ITGBL1: variants seen among roughly 807,000 people sequenced by gnomAD.
ITGBL1 encodes the protein integrin beta-like protein 1.
A neutral mutation model predicts 68.5 loss-of-function variants in ITGBL1; 51 were observed. The observed-to-expected ratio is 0.74, with a 90% CI of 0.59 to 0.94. ITGBL1 has a LOEUF of 0.94. Among genes scored for constraint, ITGBL1 ranks in the 40% least tolerant of loss-of-function variants. The probability of loss-of-function intolerance (pLI) is 0.00; values close to 1 mark genes in which losing one functional copy is unlikely to be tolerated. For missense variants in ITGBL1, 649 were observed against 647.4 expected (o/e 1.00, Z -0.03); for synonymous variants, 209 against 227.3 (o/e 0.92, Z 0.72).
chr13:101,589,037 T>G (rs2050607275), intron 6 of ITGBL1, among the ~76,000 whole-genome samples: 1 of 152,228 alleles, frequency 6.6e-6, no homozygotes, highest in Non-Finnish European at 1.5e-5. Context: ...ATGTACAGTT[T>G]CACTTAAAGT....
intron 7 of ITGBL1, among the ~76,000 whole-genome samples, chr13:101,687,112 C>T (rs1333837751): frequency 6.6e-6 from 1 of 151,950 alleles, no homozygotes; most frequent in East Asian, 1.9e-4. Context: ...GTGATATAAT[C>T]ATTCCTCCAC....
intron 2 of ITGBL1, among the ~76,000 whole-genome samples, chr13:101,554,458 T>C (rs2049973140): frequency 6.6e-6 from 1 of 152,220 alleles, no homozygotes; most frequent in African/African-American, 2.4e-5. Context: ...GTATTTGCCA[T>C]GTGGTCAATG....
intron 2 of ITGBL1, among the ~76,000 whole-genome samples, chr13:101,542,264 C>T (rs575189213): frequency 1.1e-4 from 17 of 152,148 alleles, no homozygotes; most frequent in Non-Finnish European, 2.2e-4. Context: ...TGTCTTTGTT[C>T]TCATTGGTTT....
chr13:101,625,550 A>C (rs1271154098), intron 7 of ITGBL1, among the ~76,000 whole-genome samples: 3 of 89,604 alleles, frequency 3.3e-5, no homozygotes, highest in African/African-American at 1.5e-4. Flanking sequence ...TAATAATAGT[A>C]ATGGCTAATT....
chr13:101,529,014 C>A (rs1477355975), intron 2 of ITGBL1, among the ~76,000 whole-genome samples: 1 of 151,310 alleles, frequency 6.6e-6, no homozygotes, highest in Non-Finnish European at 1.5e-5. Flanking sequence ...TAGAAAAACT[C>A]AAAAATTAGG....
At chr13:101,531,908 A>G (rs1157357029) in intron 2 of ITGBL1, among the ~76,000 whole-genome samples, 1 of 150,566 alleles carries the variant, frequency 6.6e-6, no homozygotes, top group Non-Finnish European at 1.5e-5. Context: ...AATTTTTTTT[A>G]TTTTTTTGGT....
intron 2 of ITGBL1, among the ~76,000 whole-genome samples, chr13:101,496,053 CCCA>C (rs1316364145): frequency 6.6e-6 from 1 of 152,098 alleles, no homozygotes; most frequent in African/African-American, 2.4e-5. Flanking sequence ...CATGCAGATA[CCCA>C]CCATTTCTCA....
intron 2 of ITGBL1, among the ~76,000 whole-genome samples, chr13:101,558,690 TA>T (rs2050051522): frequency 6.6e-6 from 1 of 152,112 alleles, no homozygotes; most frequent in African/African-American, 2.4e-5. Context: ...CAGAGGAAGA[TA>T]ATTCCGATAC....
intron 3 of ITGBL1, 99 bp from the exon 4 acceptor site, chr13:101,575,325 T>G: frequency 1.8e-6 from 2 of 1,120,080 alleles, no homozygotes; most frequent in Non-Finnish European, 2.6e-6. Flanking sequence ...ATTAAATTGA[T>G]TTGGATTATC....
intron 7 of ITGBL1, among the ~76,000 whole-genome samples, chr13:101,623,853 ACCTTCTGG>A (rs563819212): frequency 1.4e-4 from 22 of 152,306 alleles, no homozygotes; most frequent in African/African-American, 5.3e-4. Context: ...TTTTGGGTAT[ACCTTCTGG>A]CCTTCTGGGC....
intron 2 of ITGBL1, among the ~76,000 whole-genome samples, chr13:101,535,356 G>A (rs1341822137): frequency 2.6e-5 from 4 of 152,086 alleles, no homozygotes; most frequent in Non-Finnish European, 5.9e-5. Flanking sequence ...CAGAGCTCCA[G>A]GAGGCTGTGT....
chr13:101,456,657 A>G (rs1294667149), intron 2 of ITGBL1, among the ~76,000 whole-genome samples: 2 of 152,056 alleles, frequency 1.3e-5, no homozygotes, highest in African/African-American at 2.4e-5. Context: ...GTTCATGCCT[A>G]TAATCCTAGC....
At chr13:101,642,443 A>G (rs2032414040) in intron 7 of ITGBL1, among the ~76,000 whole-genome samples, 1 of 151,942 alleles carries the variant, frequency 6.6e-6, no homozygotes, top group South Asian at 2.1e-4. Flanking sequence ...GTTTGAGTTC[A>G]TTGTAGATTC....
At chr13:101,598,518 A>G (rs904420805) in intron 7 of ITGBL1, among the ~76,000 whole-genome samples, 1 of 151,746 alleles carries the variant, frequency 6.6e-6, no homozygotes, top group Non-Finnish European at 1.5e-5. Flanking sequence ...ATGTGCCATG[A>G]TGATGTGCTG....
At chr13:101,600,150 C>T (rs973809965) in intron 7 of ITGBL1, among the ~76,000 whole-genome samples, 3 of 152,138 alleles carry the variant, frequency 2.0e-5, no homozygotes, top group Non-Finnish European at 4.4e-5. Context: ...AGAGGTCCTT[C>T]ACATCCCTTG....
intron 2 of ITGBL1, among the ~76,000 whole-genome samples, chr13:101,540,331 T>C (rs1165955711): frequency 6.6e-6 from 1 of 152,234 alleles, no homozygotes; most frequent in African/African-American, 2.4e-5. Context: ...ATTTCTTCTT[T>C]TTGTCAGGTA....
At chr13:101,598,325 C>G (rs201610006) in intron 7 of ITGBL1, 26 bp downstream of exon 7, 21 of 1,541,496 alleles carry the variant, frequency 1.4e-5, no homozygotes, top group Non-Finnish European at 1.7e-6. Context: ...CAGGGCTTCC[C>G]ACGGCCTCTC....
intron 7 of ITGBL1, among the ~76,000 whole-genome samples, chr13:101,650,058 TGA>T (rs2032693757): frequency 6.7e-6 from 1 of 149,748 alleles, no homozygotes; most frequent in Admixed American, 6.7e-5. Context: ...AGAGAGAGAC[TGA>T]GAGAGATAAT....
chr13:101,574,726 G>A (rs2050327409), intron 3 of ITGBL1, among the ~76,000 whole-genome samples: 1 of 152,084 alleles, frequency 6.6e-6, no homozygotes, highest in Non-Finnish European at 1.5e-5. Flanking sequence ...TTACATTTGG[G>A]GGATGTGGTA....
Sources: gnomAD v4.1 joint callset for allele counts (sites outside exome capture counted in the v4.1 genomes callset) on GRCh38, gnomAD v4.1.1 for gene constraint, MANE v1.5 for transcripts, NCBI Gene and HGNC (gene_info 2026-07-23, HGNC 2026-07-21) for gene names.